Variants in STARD9 observed in about 807,000 individuals in gnomAD.
STARD9 encodes the protein StAR related lipid transfer domain containing 9, also known as stAR-related lipid transfer protein 9.
In STARD9, 346 loss-of-function variants were observed where a neutral mutation model predicts 399.8. That is an observed-to-expected ratio of 0.87 (90% CI 0.79 to 0.95). The LOEUF (loss-of-function observed/expected upper bound fraction) is 0.95. Among genes scored for constraint, STARD9 ranks in the 40% least tolerant of loss-of-function variants. The pLI is 0.00. For missense variants in STARD9, 5,832 were observed against 5,667.5 expected (o/e 1.03, Z -0.93); for synonymous variants, 2,203 against 2,143.5 (o/e 1.03, Z -0.77).
intron 20 of STARD9, among the ~76,000 whole-genome samples, chr15:42,677,543 G>A (rs1287626209): frequency 6.6e-6 from 1 of 152,168 alleles, no homozygotes; most frequent in Non-Finnish European, 1.5e-5. Flanking sequence ...GGTTTGTGTT[G>A]GGAAGACTCT....
At chr15:42,622,467 A>G (rs1173469130) in intron 3 of STARD9, among the ~76,000 whole-genome samples, 1 of 152,034 alleles carries the variant, frequency 6.6e-6, no homozygotes, top group African/African-American at 2.4e-5. Flanking sequence ...TCCTGGGCTC[A>G]AGTGATCCTC....
chr15:42,716,586 C>T, intron 26 of STARD9, 91 bp from the exon 27 acceptor site: 2 of 806,276 alleles, frequency 2.5e-6, no homozygotes, highest in Non-Finnish European at 4.1e-6. Context: ...TTGAGTCATC[C>T]CACTGGAAGC....
In STARD9 at chr15:42,688,278, A is replaced by G; in HGVS notation, c.6700A>G (p.Lys2234Glu). Reference sequence around the variant, plus strand: ...GTTTGTAAAAGCATCAGCAAGTCTCAAAGGGCAGCCTTGGGGCTTAGGAAG... The same window carrying G: ...GTTTGTAAAAGCATCAGCAAGTCTCGAAGGGCAGCCTTGGGGCTTAGGAAG... ...GQFVKASASLKGQPWGLGSLE... is the reference protein window; with the variant it reads ...GQFVKASASLEGQPWGLGSLE... Residue 2234 changes from lysine (K) to glutamate (E), a missense_variant, in exon 23 of 33, where the codon AAA becomes GAA. Lys to Glu is a moderately conservative substitution (Grantham distance 56). This residue lies in a region of STARD9 where 5,828 missense variants were observed against 5,651.1 expected (regional missense o/e 1.03). Coordinates refer to ENST00000290607, the MANE Select transcript of STARD9 (RefSeq NM_020759.3). 2 of 1,537,620 alleles carry G rather than the reference A, an allele frequency of 1.3e-6. No individual in the cohort carries two copies. Among genetic ancestry groups the G allele is most frequent in the Middle Eastern group, 1.7e-4 (1 of 5,992 alleles).
At position 42,692,503 on chromosome 15, in the gene STARD9, C is replaced by T; in HGVS notation, c.10925C>T (p.Thr3642Ile). The T allele has an allele frequency of 2.6e-6, 4 of 1,537,196 alleles. No individual in the cohort carries two copies. The highest frequency in any genetic ancestry group is 3.5e-6 in the Non-Finnish European group (4 of 1,146,908). ...AGGACGAACACATTCGAACAGGGCA[C>T]ACAGACCCTCGGCAGCAGGCGCCAC... Reference protein sequence around the residue: ...QTRTNTFEQGTQTLGSRRHWS... With the variant: ...QTRTNTFEQGIQTLGSRRHWS... Residue 3642 changes from threonine (T) to isoleucine (I), a missense_variant, in exon 23 of 33, where the codon ACA becomes ATA. Physicochemically the swap from Thr to Ile is moderately conservative, Grantham distance 89. Around this residue, in one of 2 missense-constraint regions of STARD9, gnomAD observed 5,828 missense variants for 5,651.1 expected, o/e 1.03. Coordinates refer to ENST00000290607, the MANE Select transcript of STARD9 (RefSeq NM_020759.3).
intron 4 of STARD9, 25 bp from the exon 5 acceptor site, chr15:42,637,882 T>C (rs2059448550): frequency 2.6e-6 from 4 of 1,536,992 alleles, no homozygotes; most frequent in Non-Finnish European, 2.6e-6. Context: ...TAAACAATAA[T>C]GCTTTCCTTT....
At position 42,719,565 on chromosome 15, in the gene STARD9, T is replaced by C; in HGVS notation, c.14094T>C (p.Leu4698=). ...PLVIARLASF[L]GR is the part of the protein sequence containing the mutation. ...TTATAGCCAGACTGGCTTCCTTCCT[T>C]GGTAGGTAGCATCTCACCGTCAAGA... is the stretch of plus-strand genomic sequence containing the variant. The change falls in exon 33 of 33, where the codon CTT becomes CTC. Residue 4698 remains leucine (L), a synonymous_variant. Coordinates refer to ENST00000290607, the MANE Select transcript of STARD9 (RefSeq NM_020759.3). The C allele has an allele frequency of 2.0e-6, 3 of 1,533,210 alleles. No homozygotes were observed. Among genetic ancestry groups the C allele is most frequent in the Non-Finnish European group, 2.6e-6 (3 of 1,143,354 alleles). The allele number at this position is 1,533,210 out of a possible 1,614,324, so 95.0% of individuals were successfully genotyped here.
intron 3 of STARD9, among the ~76,000 whole-genome samples, chr15:42,612,341 T>G (rs906532392): frequency 9.9e-5 from 15 of 152,158 alleles, no homozygotes; most frequent in African/African-American, 3.4e-4. Context: ...AACATGAGTC[T>G]TAGGCTCATG....
intron 26 of STARD9, among the ~76,000 whole-genome samples, chr15:42,709,879 C>G (rs1400445341): frequency 6.6e-6 from 1 of 152,078 alleles, no homozygotes; most frequent in Admixed American, 6.6e-5. Flanking sequence ...AAAGTGCAGT[C>G]CCTTCTTCCG....
intron 3 of STARD9, among the ~76,000 whole-genome samples, chr15:42,613,097 G>T (rs1255867665): frequency 1.3e-5 from 2 of 151,624 alleles, no homozygotes; most frequent in African/African-American, 4.8e-5. Flanking sequence ...AGGGTCTTAT[G>T]CTGGGAATAT....
At position 42,665,793 on chromosome 15, in the gene STARD9, T is replaced by G. The variant is rs776387142; in HGVS notation, c.1262T>G (p.Phe421Cys). 1 of 1,537,068 alleles carries G rather than the reference T, an allele frequency of 6.5e-7. No homozygotes were observed. The highest frequency in any genetic ancestry group is 2.4e-5 in the East Asian group (1 of 40,926). Residue 421 changes from phenylalanine (F) to cysteine (C), a missense_variant, in exon 15 of 33, where the codon TTC becomes TGC. Phe to Cys is a radical substitution (Grantham distance 205). Transcript: ENST00000290607. ...ATCTCTATCTTTGTGCAGAGAAACT[T>G]CAGTTCATTGAGTGATGAAAACCTG... ...ALLLSFELRN[F>C]SSLSDENLKE...
rs1479085457 is a variant in STARD9, at chr15:42,687,075, G to A, written c.5497G>A (p.Gly1833Ser). The A allele has an allele frequency of 1.3e-6, 2 of 1,537,184 alleles. No individual in the cohort carries two copies. Among genetic ancestry groups the A allele is most frequent in the South Asian group, 2.4e-5 (2 of 84,060 alleles). The change falls in exon 23 of 33, where the codon GGT becomes AGT. Residue 1833 changes from glycine to serine, a missense_variant. By Grantham distance (56) the Gly-to-Ser change is moderately conservative (BLOSUM62 0). Transcript: ENST00000290607. ...LNTREVIRES[G>S]KCPGNITEES... Reference sequence around the variant, plus strand: ...TACCAGGGAAGTCATCAGAGAATCAGGTAAATGCCCTGGAAATATTACAGA... The same window carrying A: ...TACCAGGGAAGTCATCAGAGAATCAAGTAAATGCCCTGGAAATATTACAGA...
chr15:42,684,203 G>C lies in STARD9; in HGVS notation c.2625G>C (p.Glu875Asp), dbSNP rs979665986. ...CATCAGAGAAAACATCATCAGAAGA[G>C]CATTTGCCACAGGCTGCTTCCTACC... ...HQTSEKTSSE[E>D]HLPQAASYPA... The change falls in exon 23 of 33, where the codon GAG (glutamate) becomes GAC (aspartate). Residue 875 changes from glutamate to aspartate, a missense_variant. Glu to Asp is a conservative substitution (Grantham distance 45, BLOSUM62 2). Around this residue, in one of 2 missense-constraint regions of STARD9, gnomAD observed 5,828 missense variants for 5,651.1 expected, o/e 1.03. Transcript: ENST00000290607. 1.3e-6 allele frequency: 2 copies of C among 1,537,286 alleles called. 1 individual carries two copies. Among genetic ancestry groups the C allele is most frequent in the Middle Eastern group, 3.3e-4 (2 of 5,990 alleles).
At chr15:42,678,566 C>T (rs952921455) in intron 20 of STARD9, among the ~76,000 whole-genome samples, 13 of 152,164 alleles carry the variant, frequency 8.5e-5, no homozygotes, top group East Asian at 7.7e-4. Flanking sequence ...TTGCTGCTTC[C>T]GCTGCCACCA....
chr15:42,598,278 G>T (rs1437750826), intron 3 of STARD9, among the ~76,000 whole-genome samples: 1 of 151,524 alleles, frequency 6.6e-6, no homozygotes, highest in Non-Finnish European at 1.5e-5. Flanking sequence ...TGATCTGCCT[G>T]CCTCAGCCTC....
chr15:42,640,974 A>G (rs753493367), intron 7 of STARD9, among the ~76,000 whole-genome samples: 1 of 152,180 alleles, frequency 6.6e-6, no homozygotes, highest in African/African-American at 2.4e-5. Context: ...TAGAGTTGGG[A>G]CAGAATTGAA....
chr15:42,615,989 A>G (rs770369886), intron 3 of STARD9, among the ~76,000 whole-genome samples: 1 of 152,194 alleles, frequency 6.6e-6, no homozygotes, highest in African/African-American at 2.4e-5. Flanking sequence ...TCAGGCCACT[A>G]TTTGAGTACT....
At chr15:42,704,629 A>G (rs2061036460) in intron 26 of STARD9, among the ~76,000 whole-genome samples, 1 of 152,166 alleles carries the variant, frequency 6.6e-6, no homozygotes, top group Non-Finnish European at 1.5e-5. Context: ...ACAGACTCCA[A>G]TGTCCCTGGC....
In STARD9 at chr15:42,693,288, C is replaced by G; in HGVS notation, c.11710C>G (p.Leu3904Val). ...VDRASSPILTLSASTQEPGLS... is the reference protein window; with the variant it reads ...VDRASSPILTVSASTQEPGLS... ...CAGGGCCTCCTCCCCAATCCTCACT[C>G]TTAGTGCCAGCACCCAAGAGCCGGG... The change falls in exon 23 of 33, where the codon CTT (leucine) becomes GTT (valine). Residue 3904 changes from leucine to valine, a missense_variant. Coordinates refer to ENST00000290607, the MANE Select transcript of STARD9 (RefSeq NM_020759.3). 1.3e-6 allele frequency: 2 copies of G among 1,537,136 alleles called. No homozygotes were observed. Among genetic ancestry groups the G allele is most frequent in the Non-Finnish European group, 1.7e-6 (2 of 1,146,894 alleles).
At chr15:42,605,272 C>A (rs1470812392) in intron 3 of STARD9, among the ~76,000 whole-genome samples, 1 of 152,174 alleles carries the variant, frequency 6.6e-6, no homozygotes, top group African/African-American at 2.4e-5. Flanking sequence ...ACAGCGAAAA[C>A]CTTTCTGCAG....
Sources: allele counts gnomAD v4.1 joint callset (sites outside exome capture counted in the v4.1 genomes callset), GRCh38; gene constraint gnomAD v4.1.1; regional missense constraint gnomAD v4.1.1; transcripts MANE v1.5; gene names NCBI Gene and HGNC (gene_info 2026-07-23, HGNC 2026-07-21).